MAD1L1: variants seen among roughly 807,000 people sequenced by gnomAD.
MAD1L1 encodes mitotic arrest deficient 1 like 1.
Under a neutral mutation model 96.9 loss-of-function variants are expected in MAD1L1, and 95 were observed. That is an observed-to-expected ratio of 0.98 (90% CI 0.83 to 1.16). The LOEUF (loss-of-function observed/expected upper bound fraction) is 1.16. Among genes scored for constraint, MAD1L1 ranks in the 50% most tolerant of loss-of-function variants. The pLI is 0.00. For synonymous variants in MAD1L1, 473 were observed against 396.6 expected (o/e 1.19, Z -2.29); for missense variants, 1,007 against 954.4 (o/e 1.06, Z -0.73).
At chr7:2,082,468 C>A (rs932098176) in intron 11 of MAD1L1, among the ~76,000 whole-genome samples, 12 of 152,118 alleles carry the variant, frequency 7.9e-5, no homozygotes, top group African/African-American at 2.7e-4. Flanking sequence ...CTGTCGGAGC[C>A]GTGACTTCAG....
intron 11 of MAD1L1, among the ~76,000 whole-genome samples, chr7:2,136,781 C>T (rs553372424): frequency 1.6e-4 from 24 of 152,336 alleles, no homozygotes; most frequent in African/African-American, 5.5e-4. Flanking sequence ...GTACTCCAAT[C>T]GCCTGATGGC....
At chr7:1,904,147 G>C (rs1787462487) in intron 17 of MAD1L1, among the ~76,000 whole-genome samples, 1 of 147,544 alleles carries the variant, frequency 6.8e-6, no homozygotes, top group Admixed American at 6.8e-5. Flanking sequence ...CGAGGACGCA[G>C]TGGCCTATGG....
At chr7:1,854,520 G>A (rs1784146559) in intron 18 of MAD1L1, 2 of 377,718 alleles carry the variant, frequency 5.3e-6, no homozygotes, top group Non-Finnish European at 1.1e-5. Context: ...TCACACGGGG[G>A]AAGGGGCGGG....
intron 18 of MAD1L1, among the ~76,000 whole-genome samples, chr7:1,886,211 C>T (rs1019400078): frequency 5.3e-5 from 8 of 152,236 alleles, no homozygotes; most frequent in African/African-American, 1.7e-4. Context: ...GTCTAAGGGG[C>T]TTGTCCTCTG....
chr7:1,911,097 C>T (rs1337943486), intron 17 of MAD1L1, among the ~76,000 whole-genome samples: 1 of 152,196 alleles, frequency 6.6e-6, no homozygotes, highest in African/African-American at 2.4e-5. Flanking sequence ...GTGCTACTCC[C>T]ACAGTTCCCG....
intron 17 of MAD1L1, among the ~76,000 whole-genome samples, chr7:1,922,018 G>A (rs1788821897): frequency 6.6e-6 from 1 of 152,206 alleles, no homozygotes; most frequent in Non-Finnish European, 1.5e-5. Context: ...AAGACGAGGG[G>A]TTCAGGTTCT....
intron 18 of MAD1L1, among the ~76,000 whole-genome samples, chr7:1,890,850 T>C (rs1352814949): frequency 1.3e-5 from 2 of 152,244 alleles, no homozygotes; most frequent in African/African-American, 4.8e-5. Flanking sequence ...GTCTGGACCC[T>C]GTCTGACGCC....
chr7:1,944,535 TGA>T (rs1176054338), intron 16 of MAD1L1, among the ~76,000 whole-genome samples: 1 of 152,106 alleles, frequency 6.6e-6, no homozygotes, highest in African/African-American at 2.4e-5. Flanking sequence ...GGACAAGGGC[TGA>T]GAGGGGCTGC....
chr7:2,218,963 G>A (rs1793439939), intron 6 of MAD1L1, among the ~76,000 whole-genome samples: 1 of 152,132 alleles, frequency 6.6e-6, no homozygotes, highest in Non-Finnish European at 1.5e-5. Flanking sequence ...GGGAGGCTAA[G>A]GCAGGAGGAT....
intron 18 of MAD1L1, among the ~76,000 whole-genome samples, chr7:1,827,579 C>A (rs542647706): frequency 1.3e-4 from 15 of 114,846 alleles, no homozygotes; most frequent in Non-Finnish European, 2.5e-4. Flanking sequence ...GGTGTGGCAT[C>A]CTCCCCTCCT....
chr7:1,867,067 G>C (rs773809645), intron 18 of MAD1L1, among the ~76,000 whole-genome samples: 1 of 152,244 alleles, frequency 6.6e-6, no homozygotes, highest in East Asian at 1.9e-4. Context: ...CCCAGTGGGT[G>C]AGGGGCTGAG....
chr7:2,010,895 G>A (rs1266720288), intron 13 of MAD1L1, among the ~76,000 whole-genome samples: 1 of 152,212 alleles, frequency 6.6e-6, no homozygotes, highest in African/African-American at 2.4e-5. Context: ...ACATAGGAGT[G>A]TGAGTGGGGG....
At chr7:1,846,043 G>A (rs1184745603) in intron 18 of MAD1L1, 1 of 152,732 alleles carries the variant, frequency 6.5e-6, no homozygotes, top group Non-Finnish European at 1.5e-5. Context: ...GCGTCACTGG[G>A]GAAGGGACAG....
intron 11 of MAD1L1, among the ~76,000 whole-genome samples, chr7:2,141,627 C>T (rs1172097121): frequency 6.6e-6 from 1 of 152,216 alleles, no homozygotes; most frequent in African/African-American, 2.4e-5. Context: ...GCCATGCCCC[C>T]CTTCTCTCTC....
intron 18 of MAD1L1, among the ~76,000 whole-genome samples, chr7:1,823,942 G>T (rs2128621950): frequency 6.6e-6 from 1 of 152,352 alleles, no homozygotes; most frequent in East Asian, 1.9e-4. Context: ...CCGGAGCAGG[G>T]CTCTGTGTGG....
At chr7:1,817,712 T>C (rs1334459829) in intron 18 of MAD1L1, among the ~76,000 whole-genome samples, 1 of 152,138 alleles carries the variant, frequency 6.6e-6, no homozygotes, top group Non-Finnish European at 1.5e-5. Flanking sequence ...GAGCTGCATG[T>C]GTGTGCATCG....
intron 18 of MAD1L1, among the ~76,000 whole-genome samples, chr7:1,829,057 A>G (rs1479342100): frequency 3.9e-5 from 6 of 152,178 alleles, no homozygotes; most frequent in Admixed American, 2.0e-4. Flanking sequence ...TACAAACAAA[A>G]AGGAAAAAAC....
intron 10 of MAD1L1, among the ~76,000 whole-genome samples, chr7:2,170,107 C>A (rs571309423): frequency 6.6e-6 from 1 of 152,360 alleles, no homozygotes; most frequent in South Asian, 2.1e-4. Context: ...ACAGCTACTG[C>A]AACCACAACC....
At chr7:1,825,097 A>T (rs1030710746) in intron 18 of MAD1L1, among the ~76,000 whole-genome samples, 8 of 152,224 alleles carry the variant, frequency 5.3e-5, no homozygotes, top group South Asian at 2.1e-4. Context: ...TATATGCTGC[A>T]TATTTGTAAT....
Sources: allele counts gnomAD v4.1 joint callset (sites outside exome capture counted in the v4.1 genomes callset), GRCh38; gene constraint gnomAD v4.1.1; transcripts MANE v1.5; gene names NCBI Gene and HGNC (gene_info 2026-07-23, HGNC 2026-07-21).